The following CPSF4 variants were observed in gnomAD, a reference collection of about 807,000 sequenced individuals.
CPSF4 encodes cleavage and polyadenylation specific factor 4.
In CPSF4, 11 loss-of-function variants were observed where a neutral mutation model predicts 37.7. The ratio of observed to expected loss-of-function variants is 0.29; its 90% confidence interval spans 0.18 to 0.48. CPSF4 has a LOEUF of 0.48. CPSF4 is among the 20% of genes least tolerant of loss of function. CPSF4 has a pLI of 0.99. For missense variants in CPSF4, 144 were observed against 359.5 expected, an observed-to-expected ratio of 0.40 and a Z score of 4.85; for synonymous variants, 132 against 135.9, an observed-to-expected ratio of 0.97 and a Z score of 0.20.
At chr7:99,440,674 A>ATATATATATATATATTTTTTT in intron 1 of CPSF4, among the ~76,000 whole-genome samples, 5 of 88,080 alleles carry the variant, frequency 5.7e-5, no homozygotes, top group South Asian at 4.3e-4. Flanking sequence ...ATATATATAT[A>ATATATATATATATATTTTTTT]TTTTTTTTTT....
chr7:99,441,750 T>A (rs1166233526), intron 1 of CPSF4, among the ~76,000 whole-genome samples: 1 of 152,116 alleles, frequency 6.6e-6, no homozygotes, highest in Non-Finnish European at 1.5e-5. Context: ...TGGAGCACAG[T>A]GACGCGATCT....
At position 99,456,885 on chromosome 7, in the gene CPSF4, G is replaced by C; in HGVS notation, c.*385G>C. On this transcript the variant is annotated 3_prime_UTR_variant, in exon 8 of 8. Coordinates refer to ENST00000292476, the MANE Select transcript of CPSF4 (RefSeq NM_006693.4). ...TCTTGGTGACGCCAGGGGCTGGTAG[G>C]TCATTCAAAGCTGTGGCCAGCTCAC... The C allele has an allele frequency of 2.7e-6, 1 of 365,254 alleles. No homozygotes were observed. The highest frequency in any genetic ancestry group is 2.2e-5 in the South Asian group (1 of 46,378). 22.6% of individuals were successfully genotyped at this position (365,254 alleles called of 1,614,324 possible).
chr7:99,452,329 C>G lies in CPSF4; in HGVS notation c.498-39C>G, dbSNP rs112949768. On this transcript the variant is annotated intron_variant, in intron 5 of 7. Coordinates refer to ENST00000292476, the MANE Select transcript of CPSF4 (RefSeq NM_006693.4). ...CTCTTCTCATCCCCTGACCCCACTC[C>G]TTCTCTTGTTCTCATCCCCTCTGGC... The G allele has an allele frequency of 2.7e-5, 42 of 1,573,376 alleles. 1 individual carries two copies. In the African/African-American group the frequency reaches 3.0e-4, roughly 11 times the overall value.
chr7:99,443,006 A>G, intron 1 of CPSF4: 3 of 1,515,170 alleles, frequency 2.0e-6, no homozygotes, highest in South Asian at 2.2e-5. Flanking sequence ...GTTTCTTATC[A>G]TCTTCAGACT....
Position 99,453,908 on chromosome 7 carries a change from C to G in CPSF4, c.571-58C>G. On this transcript the variant is annotated intron_variant, in intron 6 of 7. Coordinates refer to ENST00000292476, the MANE Select transcript of CPSF4 (RefSeq NM_006693.4). The surrounding 1 kb of genome is among the most constrained non-coding windows in gnomAD (Gnocchi z 4.7). ...CCGCCCTCTTTTTTCCTGTCCCCATCGGTAGTCTGCGTGCACGTGTTTTCC... is the reference window on the plus strand; with the variant it reads ...CCGCCCTCTTTTTTCCTGTCCCCATGGGTAGTCTGCGTGCACGTGTTTTCC... The G allele has an allele frequency of 2.6e-6, 4 of 1,537,394 alleles. No homozygotes were observed. In the East Asian group the frequency reaches 6.8e-5, roughly 26 times the overall value.
At chr7:99,440,947 C>CTTTTT (rs555082595) in intron 1 of CPSF4, among the ~76,000 whole-genome samples, 1 of 120,276 alleles carries the variant, frequency 8.3e-6, no homozygotes, top group Non-Finnish European at 1.7e-5. Context: ...CTTTTCCTGT[C>CTTTTT]TTTTTTTTTT....
chr7:99,454,234 A>G, intron 7 of CPSF4, 98 bp downstream of exon 7: 5 of 1,162,200 alleles, frequency 4.3e-6, no homozygotes, highest in Non-Finnish European at 6.0e-6. Flanking sequence ...AAAAATGAAA[A>G]CATTCATTTT....
chr7:99,440,675 T>TATATATATATATATATATATATA (rs1491236759), intron 1 of CPSF4, among the ~76,000 whole-genome samples: 29 of 74,778 alleles, frequency 3.9e-4, no homozygotes, highest in South Asian at 9.6e-4. Flanking sequence ...TATATATATA[T>TATATATATATATATATATATATA]TTTTTTTTTT....
chr7:99,440,010 GA>G (rs1167852687), intron 1 of CPSF4, among the ~76,000 whole-genome samples: 2 of 152,106 alleles, frequency 1.3e-5, no homozygotes, highest in Non-Finnish European at 1.5e-5. Context: ...TACTCGGTGG[GA>G]TATCTTGTAC....
intron 7 of CPSF4, 126 bp downstream of exon 7, chr7:99,454,262 A>G: frequency 1.1e-6 from 1 of 907,280 alleles, no homozygotes; most frequent in Non-Finnish European, 1.6e-6. Context: ...TGTAAGCATA[A>G]AGTTACAGTC....
chr7:99,456,328 T>A, intron 7 of CPSF4, 104 bp from the exon 8 acceptor site: 1 of 957,026 alleles, frequency 1.0e-6, no homozygotes, highest in South Asian at 1.3e-5. Flanking sequence ...ACTGGGGACT[T>A]GGTGGATGAT....
intron 3 of CPSF4, among the ~76,000 whole-genome samples, chr7:99,449,654 G>C (rs973261592): frequency 6.6e-6 from 1 of 152,238 alleles, no homozygotes; most frequent in Non-Finnish European, 1.5e-5. Flanking sequence ...TTGTGGTCCA[G>C]GGAAAGAGGT....
intron 3 of CPSF4, chr7:99,449,048 A>G (rs1375893362): frequency 2.6e-5 from 4 of 152,264 alleles, no homozygotes; most frequent in African/African-American, 9.7e-5. Context: ...GTCCCCGCTC[A>G]GGTCTGCACT....
intron 6 of CPSF4, chr7:99,452,699 C>T (rs1055457597): frequency 3.2e-5 from 15 of 473,282 alleles, no homozygotes; most frequent in Admixed American, 1.4e-4. Flanking sequence ...ACTGGCCACC[C>T]GTTGTGAGAT....
At chr7:99,442,372 A>C (rs914284834) in intron 1 of CPSF4, among the ~76,000 whole-genome samples, 10 of 151,866 alleles carry the variant, frequency 6.6e-5, no homozygotes, top group African/African-American at 2.4e-4. Flanking sequence ...AAGCAACATA[A>C]TCGGCCGGGC....
At chr7:99,449,491 T>C (rs1375179722) in intron 3 of CPSF4, among the ~76,000 whole-genome samples, 5 of 152,216 alleles carry the variant, frequency 3.3e-5, no homozygotes. Flanking sequence ...ACAAGTGGCC[T>C]GAGGGTCGCT....
intron 7 of CPSF4, among the ~76,000 whole-genome samples, chr7:99,455,353 G>C (rs1798236236): frequency 6.6e-6 from 1 of 152,186 alleles, no homozygotes; most frequent in African/African-American, 2.4e-5. Context: ...TAGCCCTACA[G>C]CCCATCGGCA....
At chr7:99,441,098 C>T (rs1796938757) in intron 1 of CPSF4, among the ~76,000 whole-genome samples, 1 of 151,770 alleles carries the variant, frequency 6.6e-6, no homozygotes, top group South Asian at 2.1e-4. Flanking sequence ...TTATAGGCGC[C>T]CACCACCACG....
intron 2 of CPSF4, among the ~76,000 whole-genome samples, chr7:99,446,020 A>G (rs1159819406): frequency 6.6e-6 from 1 of 152,192 alleles, no homozygotes; most frequent in Non-Finnish European, 1.5e-5. Flanking sequence ...CTTGAAAAAG[A>G]GAGCAGAGAA....
Sources: allele counts gnomAD v4.1 joint callset (sites outside exome capture counted in the v4.1 genomes callset), GRCh38; gene constraint gnomAD v4.1.1; non-coding constraint Gnocchi (gnomAD v3.1); transcripts MANE v1.5; gene names NCBI Gene and HGNC (gene_info 2026-07-23, HGNC 2026-07-21).